Variants in MCTP1 observed in about 807,000 individuals in gnomAD.
MCTP1 encodes the protein multiple C2 and transmembrane domain-containing protein 1.
A neutral mutation model predicts 120.6 loss-of-function variants in MCTP1; 69 were observed. That is an observed-to-expected ratio of 0.57 (90% CI 0.47 to 0.70). The LOEUF (loss-of-function observed/expected upper bound fraction) is 0.70, where lower values mean the gene tolerates loss of function less well. Among genes scored for constraint, MCTP1 ranks in the 30% least tolerant of loss-of-function variants. MCTP1 has a pLI of 0.00. For missense variants in MCTP1, 1,203 were observed against 1,248.8 expected, an observed-to-expected ratio of 0.96 and a Z score of 0.55; for synonymous variants, 529 against 493.1, an observed-to-expected ratio of 1.07 and a Z score of -0.96.
At chr5:94,965,490 G>A (rs1825357533) in intron 2 of MCTP1, among the ~76,000 whole-genome samples, 1 of 150,844 alleles carries the variant, frequency 6.6e-6, no homozygotes, top group Non-Finnish European at 1.5e-5. Context: ...CTGGAATCCA[G>A]AGCTCAGGGA....
intron 1 of MCTP1, among the ~76,000 whole-genome samples, chr5:95,110,551 A>G (rs1757380409): frequency 6.6e-6 from 1 of 152,174 alleles, no homozygotes; most frequent in South Asian, 2.1e-4. Flanking sequence ...TTATTATGTT[A>G]AGCTCCTGAA....
At chr5:94,945,391 C>A (rs1818681100) in intron 3 of MCTP1, among the ~76,000 whole-genome samples, 1 of 152,148 alleles carries the variant, frequency 6.6e-6, no homozygotes, top group African/African-American at 2.4e-5. Context: ...TTGTTTTTAA[C>A]ACAAAATTCA....
chr5:95,214,021 A>C (rs1752728904), intron 1 of MCTP1, among the ~76,000 whole-genome samples: 1 of 152,248 alleles, frequency 6.6e-6, no homozygotes, highest in Non-Finnish European at 1.5e-5. Context: ...AATGGGATCT[A>C]ATTAAACTAA....
At chr5:95,278,962 C>CA (rs113219166) in intron 1 of MCTP1, among the ~76,000 whole-genome samples, 347 of 80,766 alleles carry the variant, frequency 4.3e-3, no homozygotes, top group East Asian at 0.017. Context: ...AACTCCGTCT[C>CA]AAAAAAAAAA....
At position 94,706,085 on chromosome 5, in the gene MCTP1, A is replaced by C. The variant is rs1754507756; in HGVS notation, c.*1411T>G. 1 of 151,828 alleles carries C rather than the reference A, an allele frequency of 6.6e-6. No homozygotes were observed. Among genetic ancestry groups the C allele is most frequent in the East Asian group, 1.9e-4 (1 of 5,158 alleles). 9.4% of individuals were successfully genotyped at this position (151,828 alleles called of 1,614,324 possible). A position where few individuals can be genotyped will look rare whatever the true frequency, so the allele number is the denominator to read the frequency against. On this transcript the variant is annotated 3_prime_UTR_variant, in exon 23 of 23. Transcript: ENST00000515393. ...GTTAAAGAATCTTCCTTTAGAGTGAAATATACATTTCTTTTAGCTTTTCTA... is the reference window on the plus strand; with the variant it reads ...GTTAAAGAATCTTCCTTTAGAGTGACATATACATTTCTTTTAGCTTTTCTA...
At chr5:94,867,003 G>C (rs942244487) in intron 17 of MCTP1, 1 of 214,636 alleles carries the variant, frequency 4.7e-6, no homozygotes, top group African/African-American at 2.3e-5. Context: ...ATCTTTACAG[G>C]ACAATTTTTT....
At chr5:95,063,070 G>A (rs574141648) in intron 1 of MCTP1, among the ~76,000 whole-genome samples, 2 of 152,138 alleles carry the variant, frequency 1.3e-5, no homozygotes, top group South Asian at 2.1e-4. Context: ...CTCCCGCCTC[G>A]GCCTCCCAAA....
intron 1 of MCTP1, among the ~76,000 whole-genome samples, chr5:95,064,479 AACTC>A (rs1448951572): frequency 6.6e-6 from 1 of 152,216 alleles, no homozygotes; most frequent in Non-Finnish European, 1.5e-5. Context: ...AACCCTTAAT[AACTC>A]ACTTAGTAGG....
At chr5:95,187,587 A>G (rs1749355914) in intron 1 of MCTP1, among the ~76,000 whole-genome samples, 1 of 152,056 alleles carries the variant, frequency 6.6e-6, no homozygotes, top group South Asian at 2.1e-4. Context: ...TTTTTAGTAG[A>G]GATAGGGTTT....
chr5:95,225,475 G>A lies in MCTP1; in HGVS notation c.720+58381C>T, dbSNP rs887636658. Among the ~76,000 whole-genome samples the A allele has an allele frequency of 1.6e-4, 25 of 152,280 alleles. No homozygotes were observed. In the South Asian group the frequency reaches 2.1e-3, roughly 13 times the overall value. ...ACAATACCAGCTCCAAAAGAGATTAGATGCTAACAAATATGCATACCCTTC... is the reference window on the plus strand; with the variant it reads ...ACAATACCAGCTCCAAAAGAGATTAAATGCTAACAAATATGCATACCCTTC... On this transcript the variant is annotated intron_variant, in intron 1 of 22. Coordinates refer to ENST00000515393, the MANE Select transcript of MCTP1 (RefSeq NM_024717.7).
At chr5:94,887,240 C>T (rs934116310) in intron 12 of MCTP1, among the ~76,000 whole-genome samples, 1 of 152,090 alleles carries the variant, frequency 6.6e-6, no homozygotes, top group African/African-American at 2.4e-5. Context: ...CTCATTGAAT[C>T]CCCAGGGAAA....
chr5:95,129,554 A>G (rs1487612024), intron 1 of MCTP1, among the ~76,000 whole-genome samples: 2 of 152,250 alleles, frequency 1.3e-5, no homozygotes, highest in Non-Finnish European at 2.9e-5. Flanking sequence ...GTACATTTCT[A>G]GAAGAGATTA....
chr5:94,909,474 A>T, intron 9 of MCTP1, 93 bp from the exon 10 acceptor site: 1 of 1,294,604 alleles, frequency 7.7e-7, no homozygotes, highest in South Asian at 1.4e-5. Context: ...GTACTATAGT[A>T]TCTAGAAAAG....
chr5:95,089,204 C>CT (rs1198100471), intron 1 of MCTP1, among the ~76,000 whole-genome samples: 1 of 152,078 alleles, frequency 6.6e-6, no homozygotes, highest in South Asian at 2.1e-4. Flanking sequence ...TAGTTTGCAT[C>CT]TTTTTTTCCC....
chr5:95,030,015 T>C (rs1231551502), intron 1 of MCTP1, among the ~76,000 whole-genome samples: 1 of 152,158 alleles, frequency 6.6e-6, no homozygotes, highest in African/African-American at 2.4e-5. Context: ...GACAGATAAG[T>C]TGCAGAGTTG....
intron 17 of MCTP1, among the ~76,000 whole-genome samples, chr5:94,817,091 C>T (rs1158844562): frequency 1.3e-5 from 2 of 152,136 alleles, no homozygotes; most frequent in African/African-American, 2.4e-5. Flanking sequence ...TCAAGACTCA[C>T]CCAGTGTTTT....
At chr5:94,831,155 G>T (rs2153159597) in intron 17 of MCTP1, among the ~76,000 whole-genome samples, 1 of 152,294 alleles carries the variant, frequency 6.6e-6, no homozygotes, top group South Asian at 2.1e-4. Flanking sequence ...AGTAAAACAT[G>T]CCGCATTGCC....
intron 1 of MCTP1, among the ~76,000 whole-genome samples, chr5:95,106,692 T>C (rs1582263625): frequency 6.6e-6 from 1 of 152,302 alleles, no homozygotes; most frequent in East Asian, 1.9e-4. Context: ...TGGGGCTGCA[T>C]GTATGAATAA....
intron 2 of MCTP1, among the ~76,000 whole-genome samples, chr5:94,964,198 C>T (rs1051734261): frequency 6.6e-6 from 1 of 152,092 alleles, no homozygotes; most frequent in Non-Finnish European, 1.5e-5. Flanking sequence ...TGATTTTTAG[C>T]TTCATATCAC....
Sources: gnomAD v4.1 joint callset for allele counts (sites outside exome capture counted in the v4.1 genomes callset) on GRCh38, gnomAD v4.1.1 for gene constraint, MANE v1.5 for transcripts, NCBI Gene and HGNC (gene_info 2026-07-23, HGNC 2026-07-21) for gene names.